Variants in PAK2 observed in about 807,000 individuals in gnomAD.
The protein encoded by PAK2 is p21 (RAC1) activated kinase 2.
A neutral mutation model predicts 65.9 loss-of-function variants in PAK2; 21 were observed. The observed-to-expected ratio is 0.32, with a 90% CI of 0.23 to 0.46. PAK2 has a LOEUF of 0.46. PAK2 is among the 20% of genes least tolerant of loss of function. The pLI is 1.00. For synonymous variants in PAK2, 204 were observed against 219.7 expected (o/e 0.93, Z 0.63); for missense variants, 324 against 642.6 (o/e 0.50, Z 5.36).
intron 1 of PAK2, among the ~76,000 whole-genome samples, chr3:196,754,786 C>T (rs991712998): frequency 1.4e-4 from 22 of 152,144 alleles, no homozygotes; most frequent in Admixed American, 1.4e-3. Flanking sequence ...CTGGAATTTG[C>T]GCCTGGTAAT....
chr3:196,777,484 G>A lies in PAK2; in HGVS notation c.-21-5142G>A, dbSNP rs538270353. Among the ~76,000 whole-genome samples, 28 of 152,280 alleles carry A rather than the reference G, an allele frequency of 1.8e-4. No individual in the cohort carries two copies. In the South Asian group the frequency reaches 3.5e-3, roughly 19 times the overall value. On this transcript the variant is annotated intron_variant, in intron 1 of 14. Coordinates refer to ENST00000327134, the MANE Select transcript of PAK2 (RefSeq NM_002577.4). ...CTCCCAAAGTGCTGAGATTACAGGCGCGAGCCAACATGCCCAGCCAAAAAC... is the reference window on the plus strand; with the variant it reads ...CTCCCAAAGTGCTGAGATTACAGGCACGAGCCAACATGCCCAGCCAAAAAC...
intron 1 of PAK2, among the ~76,000 whole-genome samples, chr3:196,749,816 T>G (rs998175246): frequency 3.0e-5 from 4 of 131,692 alleles, no homozygotes; most frequent in Non-Finnish European, 5.1e-5. Context: ...GTAGTAGTGT[T>G]TCATTGTTTT....
chr3:196,782,942 C>T (rs946459055), intron 2 of PAK2, 109 bp downstream of exon 2: 23 of 629,010 alleles, frequency 3.7e-5, no homozygotes, highest in Admixed American at 3.4e-4. Flanking sequence ...TGAAAACAAT[C>T]GGTGCTAATA....
intron 1 of PAK2, among the ~76,000 whole-genome samples, chr3:196,749,569 G>C (rs530164392): frequency 1.1e-4 from 17 of 152,128 alleles, no homozygotes; most frequent in African/African-American, 3.9e-4. Flanking sequence ...AAGTGCTCAT[G>C]TGTAGGTTTT....
At chr3:196,806,983 C>T (rs535457253) in intron 6 of PAK2, among the ~76,000 whole-genome samples, 1 of 152,088 alleles carries the variant, frequency 6.6e-6, no homozygotes, top group South Asian at 2.1e-4. Flanking sequence ...CTCTGTTTAT[C>T]TCAATGTAGA....
chr3:196,745,239 C>T (rs1053183279), intron 1 of PAK2, among the ~76,000 whole-genome samples: 12 of 151,038 alleles, frequency 7.9e-5, no homozygotes, highest in East Asian at 1.9e-4. Flanking sequence ...CTCAGCCTCC[C>T]GAGTAGCTGG....
chr3:196,796,452 T>C (rs1167976169), intron 2 of PAK2, among the ~76,000 whole-genome samples: 1 of 152,148 alleles, frequency 6.6e-6, no homozygotes, highest in Non-Finnish European at 1.5e-5. Flanking sequence ...TGGGGAGTCA[T>C]TGCCATTAGG....
rs1016584447 is a variant in PAK2, at chr3:196,745,133, T to C, written c.-22+4976T>C. On this transcript the variant is annotated intron_variant, in intron 1 of 14. Coordinates refer to ENST00000327134, the MANE Select transcript of PAK2 (RefSeq NM_002577.4). ...TGTGTTTCAATCTTTTTTTTTTTTTTGTGACAGAGTCTCACTCTGTCACTC... is the reference window on the plus strand; with the variant it reads ...TGTGTTTCAATCTTTTTTTTTTTTTCGTGACAGAGTCTCACTCTGTCACTC... Among the ~76,000 whole-genome samples, 4 of 126,270 alleles carry C rather than the reference T, an allele frequency of 3.2e-5. No homozygotes were observed. The East Asian group carries it at 8.2e-4, about 26-fold the overall frequency. The allele number at this position is 126,270 out of a possible 152,430, so 82.8% of individuals were successfully genotyped here. A position where few individuals can be genotyped will look rare whatever the true frequency, so the allele number is the denominator to read the frequency against.
At chr3:196,743,570 G>A (rs182422996) in intron 1 of PAK2, among the ~76,000 whole-genome samples, 4 of 152,170 alleles carry the variant, frequency 2.6e-5, no homozygotes, top group Admixed American at 2.6e-4. Flanking sequence ...CTTCTAGGCC[G>A]GGTGCGGTGG....
At chr3:196,764,098 G>A (rs963952673) in intron 1 of PAK2, among the ~76,000 whole-genome samples, 1 of 151,236 alleles carries the variant, frequency 6.6e-6, no homozygotes, top group Non-Finnish European at 1.5e-5. Context: ...CACCGCGCCC[G>A]GCCTGCTGCT....
At chr3:196,815,372 A>G (rs551104967) in intron 11 of PAK2, among the ~76,000 whole-genome samples, 73 of 151,134 alleles carry the variant, frequency 4.8e-4, no homozygotes, top group African/African-American at 1.2e-3. Flanking sequence ...CACGCCTGTA[A>G]TCCCAGCTAC....
At chr3:196,742,382 A>G (rs1396805541) in intron 1 of PAK2, among the ~76,000 whole-genome samples, 1 of 152,058 alleles carries the variant, frequency 6.6e-6, no homozygotes, top group African/African-American at 2.4e-5. Flanking sequence ...ACGGCACACC[A>G]CCAACAGTTT....
rs768706685 is a variant in PAK2 at position 196,782,832 on chromosome 3, A to G, written c.186A>G (p.Lys62=). ...TCTCCATATTCTCAGGCACAGAGAA[A>G]GGTAAATAGCGCTTCTGGCTTTCAG... ...KIISIFSGTE[K]GSKKKEKERP... Residue 62 remains lysine (K), a splice_region_variant and synonymous_variant, in exon 2 of 15, where the codon AAA becomes AAG. Transcript: ENST00000327134. 1 of 1,600,586 alleles carries G rather than the reference A, an allele frequency of 6.2e-7. No individual in the cohort carries two copies. Among genetic ancestry groups the G allele is most frequent in the South Asian group, 1.1e-5 (1 of 89,760 alleles).
intron 1 of PAK2, among the ~76,000 whole-genome samples, chr3:196,767,338 A>G (rs1714203133): frequency 6.6e-6 from 1 of 152,186 alleles, no homozygotes; most frequent in African/African-American, 2.4e-5. Flanking sequence ...ACTCCTAAAC[A>G]CTGTGTTATA....
chr3:196,805,343 C>T lies in PAK2; in HGVS notation c.437-9C>T. ...GAATTGCTAATGTTATGTTTTGTTT[C>T]ATATTCAGAGAAAGATGGCTTTCCT... is the stretch of plus-strand genomic sequence containing the variant. On this transcript the variant is annotated splice_polypyrimidine_tract_variant and intron_variant, in intron 4 of 14. Transcript: ENST00000327134. 1 of 1,393,806 alleles carries T rather than the reference C, an allele frequency of 7.2e-7. No homozygotes were observed. The highest frequency in any genetic ancestry group is 2.5e-5 in the East Asian group (1 of 39,462). The allele number at this position is 1,393,806 out of a possible 1,614,324, so 86.3% of individuals were successfully genotyped here. A position where few individuals can be genotyped will look rare whatever the true frequency, so the allele number is the denominator to read the frequency against.
chr3:196,762,159 C>T (rs1577703910), intron 1 of PAK2, among the ~76,000 whole-genome samples: 1 of 109,102 alleles, frequency 9.2e-6, no homozygotes, highest in African/African-American at 3.2e-5. Flanking sequence ...CAGAGACGCT[C>T]CTCACTTCCT....
At chr3:196,814,598 G>C (rs1460818689) in intron 11 of PAK2, 30 bp downstream of exon 11, 5 of 860,906 alleles carry the variant, frequency 5.8e-6, no homozygotes, top group Non-Finnish European at 7.9e-6. Flanking sequence ...GATATGTTAT[G>C]GTGATATGTG....
At position 196,763,862 on chromosome 3, in the gene PAK2, G is replaced by C. The variant is rs533438614; in HGVS notation, c.-21-18764G>C. Reference sequence around the variant, plus strand: ...AGGCTGGAGTGCAGTGGTGTGGCACGATCACGGCTCACTGCAAGCTCTGCC... The same window carrying C: ...AGGCTGGAGTGCAGTGGTGTGGCACCATCACGGCTCACTGCAAGCTCTGCC... On this transcript the variant is annotated intron_variant, in intron 1 of 14. Coordinates refer to ENST00000327134, the MANE Select transcript of PAK2 (RefSeq NM_002577.4). Among the ~76,000 whole-genome samples, 3 of 152,154 alleles carry C rather than the reference G, an allele frequency of 2.0e-5. No individual in the cohort carries two copies. In the East Asian group the frequency reaches 5.8e-4, roughly 29 times the overall value.
At chr3:196,773,145 C>T (rs1714414117) in intron 1 of PAK2, among the ~76,000 whole-genome samples, 1 of 152,154 alleles carries the variant, frequency 6.6e-6, no homozygotes, top group African/African-American at 2.4e-5. Flanking sequence ...CAGTGGGCCT[C>T]TTAGAAGAGT....
Sources: gnomAD v4.1 joint callset for allele counts (sites outside exome capture counted in the v4.1 genomes callset) on GRCh38, gnomAD v4.1.1 for gene constraint, MANE v1.5 for transcripts, NCBI Gene and HGNC (gene_info 2026-07-23, HGNC 2026-07-21) for gene names.